Variants in MDFIC observed in about 807,000 individuals in gnomAD.
The protein encoded by MDFIC is myoD family inhibitor domain-containing protein.
A neutral mutation model predicts 23.2 loss-of-function variants in MDFIC; 17 were observed. That is an observed-to-expected ratio of 0.73 (90% CI 0.50 to 1.10). The LOEUF (loss-of-function observed/expected upper bound fraction) is 1.10. Ranked by LOEUF, MDFIC falls within the 50% of genes least tolerant of loss-of-function variation. The pLI is 0.00. For synonymous variants in MDFIC, 120 were observed against 115.2 expected, an observed-to-expected ratio of 1.04 and a Z score of -0.27; for missense variants, 356 against 316.6, an observed-to-expected ratio of 1.12 and a Z score of -0.95.
At position 115,016,137 on chromosome 7, in the gene MDFIC, T is replaced by G; in HGVS notation, c.*202T>G. 1 of 535,596 alleles carries G rather than the reference T, an allele frequency of 1.9e-6. No homozygotes were observed. The highest frequency in any genetic ancestry group is 3.2e-6 in the Non-Finnish European group (1 of 311,018). The allele number at this position is 535,596 out of a possible 1,614,324, so 33.2% of individuals were successfully genotyped here. A position where few individuals can be genotyped will look rare whatever the true frequency, so the allele number is the denominator to read the frequency against. ...GTGAAATTTTAACTACTTTAACTAG[T>G]TTTATAAATTTCTTAATATGTTACA... is the stretch of plus-strand genomic sequence containing the variant. On this transcript the variant is annotated 3_prime_UTR_variant, in exon 5 of 5. Transcript: ENST00000393486.
intron 2 of MDFIC, among the ~76,000 whole-genome samples, chr7:114,929,274 T>A (rs1312534469): frequency 1.3e-5 from 2 of 152,058 alleles, no homozygotes. Context: ...ACCTGGCTAA[T>A]TTTTTGTATT....
At chr7:114,987,275 C>T (rs1793531597) in intron 4 of MDFIC, among the ~76,000 whole-genome samples, 1 of 152,014 alleles carries the variant, frequency 6.6e-6, no homozygotes, top group Non-Finnish European at 1.5e-5. Context: ...AATACTGTTT[C>T]AACAGTATTG....
intron 3 of MDFIC, among the ~76,000 whole-genome samples, chr7:114,971,725 A>C (rs1243087984): frequency 6.6e-6 from 1 of 152,140 alleles, no homozygotes; most frequent in Non-Finnish European, 1.5e-5. Flanking sequence ...TGGATAAAAT[A>C]TAGTGGATTT....
chr7:115,014,382 A>G (rs1474641720), intron 4 of MDFIC: 2 of 1,288,290 alleles, frequency 1.6e-6, no homozygotes, highest in East Asian at 5.6e-5. Flanking sequence ...ATGGCATTCT[A>G]TAGAGAAGCG....
At chr7:114,993,719 T>G (rs1470021514) in intron 4 of MDFIC, among the ~76,000 whole-genome samples, 1 of 152,222 alleles carries the variant, frequency 6.6e-6, no homozygotes, top group Non-Finnish European at 1.5e-5. Flanking sequence ...AGAGACAGTT[T>G]GTTATAATTT....
chr7:115,009,992 G>A (rs1344917001), intron 4 of MDFIC, among the ~76,000 whole-genome samples: 1 of 152,136 alleles, frequency 6.6e-6, no homozygotes, highest in Non-Finnish European at 1.5e-5. Flanking sequence ...GAACCAAGTG[G>A]TCTTCTCAGA....
At chr7:114,994,209 T>C (rs1791261053) in intron 4 of MDFIC, among the ~76,000 whole-genome samples, 1 of 152,208 alleles carries the variant, frequency 6.6e-6, no homozygotes, top group Non-Finnish European at 1.5e-5. Context: ...TTGGTAGATC[T>C]TCCTCCATCC....
At chr7:114,947,048 T>G (rs954275399) in intron 3 of MDFIC, among the ~76,000 whole-genome samples, 13 of 152,194 alleles carry the variant, frequency 8.5e-5, no homozygotes, top group South Asian at 2.1e-4. Flanking sequence ...TTGTATTAAG[T>G]TTATTTCACA....
At chr7:114,947,190 A>T (rs1359401287) in intron 3 of MDFIC, among the ~76,000 whole-genome samples, 5 of 152,134 alleles carry the variant, frequency 3.3e-5, no homozygotes. Context: ...TAGCTATCAT[A>T]TTATGTTTCT....
At chr7:114,973,038 T>C (rs1161456403) in intron 3 of MDFIC, among the ~76,000 whole-genome samples, 2 of 151,884 alleles carry the variant, frequency 1.3e-5, no homozygotes, top group Non-Finnish European at 2.9e-5. Context: ...CATTTCCTTC[T>C]TGTGAAATTT....
At chr7:114,982,033 T>C (rs529978784) in intron 4 of MDFIC, among the ~76,000 whole-genome samples, 1 of 152,306 alleles carries the variant, frequency 6.6e-6, no homozygotes, top group South Asian at 2.1e-4. Context: ...TTCTGTGGAA[T>C]GAAGGGTTTG....
intron 4 of MDFIC, among the ~76,000 whole-genome samples, chr7:114,981,572 C>G (rs116313343): frequency 8.9e-4 from 135 of 152,256 alleles, no homozygotes; most frequent in African/African-American, 3.1e-3. Flanking sequence ...AAGGGAAGTC[C>G]CTTGTAATCT....
At chr7:114,942,486 C>A in intron 3 of MDFIC, 89 bp downstream of exon 3, 1 of 1,046,140 alleles carries the variant, frequency 9.6e-7, no homozygotes, top group Non-Finnish European at 1.3e-6. Context: ...AATTCTGCTA[C>A]AAATCCGTAA....
intron 4 of MDFIC, among the ~76,000 whole-genome samples, chr7:115,003,657 T>A (rs2116093639): frequency 6.6e-6 from 1 of 152,304 alleles, no homozygotes; most frequent in Non-Finnish European, 1.5e-5. Context: ...TTTCTTTAGA[T>A]CCAACAAAAA....
At chr7:114,998,705 T>C (rs1013181970) in intron 4 of MDFIC, among the ~76,000 whole-genome samples, 4 of 152,212 alleles carry the variant, frequency 2.6e-5, no homozygotes, top group Non-Finnish European at 5.9e-5. Flanking sequence ...TGTTGCTATA[T>C]TCTTTCCATT....
intron 2 of MDFIC, among the ~76,000 whole-genome samples, chr7:114,926,181 A>C (rs1792186673): frequency 6.6e-6 from 1 of 152,190 alleles, no homozygotes; most frequent in East Asian, 1.9e-4. Flanking sequence ...TATAATCCAA[A>C]GAGCCTTTGA....
chr7:114,954,998 TC>T (rs1182333570), intron 3 of MDFIC, among the ~76,000 whole-genome samples: 1 of 152,136 alleles, frequency 6.6e-6, no homozygotes, highest in Non-Finnish European at 1.5e-5. Flanking sequence ...CTCTCGTCGG[TC>T]TTTTGCATAC....
chr7:114,949,611 A>T (rs529337762), intron 3 of MDFIC, among the ~76,000 whole-genome samples: 3 of 152,296 alleles, frequency 2.0e-5, no homozygotes, highest in African/African-American at 7.2e-5. Flanking sequence ...ATGAAGACTG[A>T]ATGCTTACAG....
At chr7:115,006,029 T>C (rs1791563926) in intron 4 of MDFIC, among the ~76,000 whole-genome samples, 1 of 152,144 alleles carries the variant, frequency 6.6e-6, no homozygotes, top group Non-Finnish European at 1.5e-5. Context: ...CTGTGCTTCT[T>C]TGGTTGGGGC....
Sources: allele counts gnomAD v4.1 joint callset (sites outside exome capture counted in the v4.1 genomes callset), GRCh38; gene constraint gnomAD v4.1.1; transcripts MANE v1.5; gene names NCBI Gene and HGNC (gene_info 2026-07-23, HGNC 2026-07-21).